The following VEPH1 variants were observed in gnomAD, a reference collection of about 807,000 sequenced individuals.
The protein encoded by VEPH1 is ventricular zone expressed PH domain containing 1, also known as ventricular zone-expressed PH domain-containing protein homolog 1.
VEPH1 carries 80 observed loss-of-function variants against 85.2 expected under a neutral mutation model. That is an observed-to-expected ratio of 0.94 (90% CI 0.78 to 1.13). The LOEUF (loss-of-function observed/expected upper bound fraction) is 1.13. VEPH1 is among the 50% of genes most tolerant of loss of function. The pLI is 0.00. For synonymous variants in VEPH1, 297 were observed against 348.0 expected (o/e 0.85, Z 1.63); for missense variants, 955 against 980.5 (o/e 0.97, Z 0.35).
At chr3:157,395,430 T>A (rs12496264) in intron 6 of VEPH1, among the ~76,000 whole-genome samples, 2,817 of 152,260 alleles carry the variant, frequency 0.019, 36 homozygotes, top group Admixed American at 0.038. Flanking sequence ...TCAGCCTTTG[T>A]GAGTGGACGT....
intron 11 of VEPH1, among the ~76,000 whole-genome samples, chr3:157,295,327 G>T (rs1415445738): frequency 6.6e-6 from 1 of 152,048 alleles, no homozygotes; most frequent in Admixed American, 6.6e-5. Context: ...AGCTACCCAG[G>T]AGGCTGAGGT....
chr3:157,421,997 G>A (rs1378010522), intron 5 of VEPH1, among the ~76,000 whole-genome samples: 2 of 152,034 alleles, frequency 1.3e-5, no homozygotes, highest in African/African-American at 4.8e-5. Flanking sequence ...TCCTTCTTTT[G>A]TCTAGCCACC....
chr3:157,338,499 G>A (rs1354340591), intron 9 of VEPH1, among the ~76,000 whole-genome samples: 1 of 152,116 alleles, frequency 6.6e-6, no homozygotes, highest in African/African-American at 2.4e-5. Flanking sequence ...TGATTAAAAG[G>A]TGAAGCATCT....
chr3:157,298,972 T>G (rs1349717944), intron 11 of VEPH1, among the ~76,000 whole-genome samples: 2 of 152,142 alleles, frequency 1.3e-5, no homozygotes, highest in Non-Finnish European at 2.9e-5. Context: ...GATATCTAAA[T>G]TGCTATGATT....
intron 7 of VEPH1, among the ~76,000 whole-genome samples, chr3:157,368,342 T>G (rs1472345528): frequency 6.6e-6 from 1 of 152,178 alleles, no homozygotes; most frequent in Non-Finnish European, 1.5e-5. Flanking sequence ...CAAGTTGCTT[T>G]ATAGCATTAC....
chr3:157,307,200 A>G (rs1719611938), intron 11 of VEPH1, among the ~76,000 whole-genome samples: 2 of 150,808 alleles, frequency 1.3e-5, no homozygotes, highest in African/African-American at 4.8e-5. Context: ...ATTAATGACT[A>G]TATATATATA....
intron 6 of VEPH1, among the ~76,000 whole-genome samples, chr3:157,393,066 C>T (rs1730022999): frequency 6.6e-6 from 1 of 152,206 alleles, no homozygotes; most frequent in South Asian, 2.1e-4. Context: ...TGGAAGAACA[C>T]ATTCCTGTTC....
rs1048190266 is a variant in VEPH1, at chr3:157,378,185, G to T, written c.1127+2971C>A. 2.0e-5 allele frequency among the ~76,000 whole-genome samples: 3 copies of T among 151,884 alleles called. No homozygotes were observed. In the East Asian group the frequency reaches 5.8e-4, roughly 29 times the overall value. ...ATTAAAATTGGCCAACAGCGACTTTGTGGGTGCATATAAATGGCAAATCTT... is the reference window on the plus strand; with the variant it reads ...ATTAAAATTGGCCAACAGCGACTTTTTGGGTGCATATAAATGGCAAATCTT... On this transcript the variant is annotated intron_variant, in intron 7 of 13. Transcript: ENST00000362010.
intron 9 of VEPH1, among the ~76,000 whole-genome samples, chr3:157,342,505 A>G (rs930946186): frequency 2.6e-5 from 4 of 152,258 alleles, no homozygotes; most frequent in African/African-American, 7.2e-5. Flanking sequence ...CATCCAATAC[A>G]TGAGCACTCA....
At chr3:157,323,863 A>T (rs1181589082) in intron 9 of VEPH1, among the ~76,000 whole-genome samples, 1 of 152,172 alleles carries the variant, frequency 6.6e-6, no homozygotes, top group Non-Finnish European at 1.5e-5. Context: ...AAAGGTCTGT[A>T]AAGTTATAGA....
At chr3:157,427,870 A>C (rs776062827) in intron 5 of VEPH1, among the ~76,000 whole-genome samples, 1 of 152,210 alleles carries the variant, frequency 6.6e-6, no homozygotes, top group African/African-American at 2.4e-5. Flanking sequence ...TTAGCATTTG[A>C]ATGGGTAGAC....
At chr3:157,442,577 G>T in intron 4 of VEPH1, 1 of 1,614,198 alleles carries the variant, frequency 6.2e-7, no homozygotes, top group Non-Finnish European at 8.5e-7. Flanking sequence ...TAGTGTTTGT[G>T]GTGGGTGGAG....
Position 157,381,354 on chromosome 3 carries a change from G to A in VEPH1, c.929C>T (p.Thr310Ile), listed in dbSNP as rs773365211. 9 of 1,614,050 alleles carry A rather than the reference G, an allele frequency of 5.6e-6. No individual in the cohort carries two copies. Among genetic ancestry groups the A allele is most frequent in the Non-Finnish European group, 7.6e-6 (9 of 1,180,022 alleles). ...VDEERARSCL[T>I]YLVSQLANME... Reference sequence around the variant, plus strand: ...GTTGGCCAGTTGGCTCACCAGGTATGTCAGGCAGCTCCTGGCTCTCTCCTA... The same window carrying A: ...GTTGGCCAGTTGGCTCACCAGGTATATCAGGCAGCTCCTGGCTCTCTCCTA... Residue 310 changes from threonine to isoleucine, a missense_variant, in exon 7 of 14, where the codon ACA becomes ATA. Physicochemically the swap from Thr to Ile is moderately conservative, Grantham distance 89 (BLOSUM62 -1). Transcript: ENST00000362010.
chr3:157,354,760 A>G (rs577041353), intron 9 of VEPH1, among the ~76,000 whole-genome samples: 2 of 152,136 alleles, frequency 1.3e-5, no homozygotes, highest in Non-Finnish European at 2.9e-5. Context: ...GTTTGCTGCT[A>G]TATCTTCAGT....
At chr3:157,459,662 T>A (rs1026631774) in intron 4 of VEPH1, 48 of 1,333,382 alleles carry the variant, frequency 3.6e-5, no homozygotes, top group Non-Finnish European at 4.4e-5. Flanking sequence ...CATTCAAATG[T>A]TGTAACAATT....
At chr3:157,343,085 A>G (rs1723773680) in intron 9 of VEPH1, among the ~76,000 whole-genome samples, 1 of 152,258 alleles carries the variant, frequency 6.6e-6, no homozygotes, top group Non-Finnish European at 1.5e-5. Flanking sequence ...GGAAAGATCT[A>G]AAATTGACAC....
At chr3:157,452,101 T>C (rs1735013595) in intron 4 of VEPH1, among the ~76,000 whole-genome samples, 1 of 152,088 alleles carries the variant, frequency 6.6e-6, no homozygotes, top group Non-Finnish European at 1.5e-5. Context: ...GAATTTGATT[T>C]TAGGTTACAT....
At chr3:157,316,752 G>A (rs1720793642) in intron 10 of VEPH1, among the ~76,000 whole-genome samples, 1 of 151,864 alleles carries the variant, frequency 6.6e-6, no homozygotes, top group Non-Finnish European at 1.5e-5. Context: ...ACTACATAAG[G>A]GAAGCTATTC....
chr3:157,474,923 T>C (rs1737317033), intron 2 of VEPH1, among the ~76,000 whole-genome samples: 1 of 152,112 alleles, frequency 6.6e-6, no homozygotes, highest in Non-Finnish European at 1.5e-5. Context: ...TTCACATGTG[T>C]TTTATAGTCA....
Sources: gnomAD v4.1 joint callset for allele counts (sites outside exome capture counted in the v4.1 genomes callset) on GRCh38, gnomAD v4.1.1 for gene constraint, MANE v1.5 for transcripts, NCBI Gene and HGNC (gene_info 2026-07-23, HGNC 2026-07-21) for gene names.